FAM120B: variants seen among roughly 807,000 people sequenced by gnomAD.
FAM120B encodes constitutive coactivator of peroxisome proliferator-activated receptor gamma.
FAM120B carries 83 observed loss-of-function variants against 96.3 expected under a neutral mutation model. The ratio of observed to expected loss-of-function variants is 0.86; its 90% CI spans 0.72 to 1.03. The LOEUF (loss-of-function observed/expected upper bound fraction) is 1.03. Ranked by LOEUF, FAM120B falls within the 50% of genes least tolerant of loss-of-function variation. FAM120B has a pLI of 0.00. For synonymous variants in FAM120B, 407 were observed against 402.7 expected, an observed-to-expected ratio of 1.01 and a Z score of -0.13; for missense variants, 1,027 against 1,121.2, an observed-to-expected ratio of 0.92 and a Z score of 1.20.
chr6:170,316,965 T>C (rs1469609841), intron 1 of FAM120B, among the ~76,000 whole-genome samples: 3 of 152,246 alleles, frequency 2.0e-5, no homozygotes, highest in Admixed American at 1.3e-4. Context: ...AGAAAAATTA[T>C]ATTGAGAATC....
chr6:170,374,007 C>T (rs1789361313), intron 6 of FAM120B, among the ~76,000 whole-genome samples: 1 of 152,156 alleles, frequency 6.6e-6, no homozygotes, highest in South Asian at 2.1e-4. Flanking sequence ...GTGCTGCTGG[C>T]ATGCCAGATC....
intron 6 of FAM120B, among the ~76,000 whole-genome samples, chr6:170,376,824 C>T (rs946020922): frequency 6.6e-6 from 1 of 152,206 alleles, no homozygotes; most frequent in Non-Finnish European, 1.5e-5. Flanking sequence ...AGTCTGAGTG[C>T]TTGGCACAGG....
intron 7 of FAM120B, among the ~76,000 whole-genome samples, chr6:170,390,238 CA>C (rs998679701): frequency 4.3e-4 from 65 of 152,296 alleles, no homozygotes; most frequent in African/African-American, 1.6e-3. Flanking sequence ...ACACAGATTC[CA>C]GAGTGGCATA....
At chr6:170,293,782 G>A (rs946811406), upstream of FAM120B, among the ~76,000 whole-genome samples, 13 of 110,054 alleles carry the variant, frequency 1.2e-4, no homozygotes, top group African/African-American at 4.7e-4. Context: ...CCACCCCCAA[G>A]TTGGTTCCTC....
At chr6:170,315,784 T>TA (rs1162060652) in intron 1 of FAM120B, among the ~76,000 whole-genome samples, 4 of 152,100 alleles carry the variant, frequency 2.6e-5, no homozygotes, top group African/African-American at 9.7e-5. Context: ...TAGAGCCCAT[T>TA]AAAAATCAGT....
chr6:170,344,582 C>T (rs1787056377), intron 4 of FAM120B, among the ~76,000 whole-genome samples: 1 of 152,194 alleles, frequency 6.6e-6, no homozygotes, highest in Admixed American at 6.5e-5. Context: ...CTCTCTGGTT[C>T]CTGAGCAGCC....
At chr6:170,312,082 C>T (rs1050556920) in intron 1 of FAM120B, among the ~76,000 whole-genome samples, 5 of 152,134 alleles carry the variant, frequency 3.3e-5, no homozygotes, top group African/African-American at 1.2e-4. Context: ...AGAACAGTGA[C>T]ATCATGAGTT....
chr6:170,388,235 T>C lies in FAM120B; in HGVS notation c.2284-52T>C, dbSNP rs1790301278. ...CTTTGCAGAGCTGAGATCTGTTTCC[T>C]GCATGTGTGACTCCTGTCTTACATT... On this transcript the variant is annotated intron_variant, in intron 6 of 10. Coordinates refer to ENST00000476287, the MANE Select transcript of FAM120B (RefSeq NM_032448.3). 19 of 1,503,282 alleles carry C rather than the reference T, an allele frequency of 1.3e-5. No homozygotes were observed. The South Asian group carries it at 2.0e-4, about 16-fold the overall frequency. 93.1% of individuals were successfully genotyped at this position (1,503,282 alleles called of 1,614,324 possible). A position where few individuals can be genotyped will look rare whatever the true frequency, so the allele number is the denominator to read the frequency against.
At chr6:170,293,859 C>T (rs540285392), upstream of FAM120B, among the ~76,000 whole-genome samples, 9 of 150,868 alleles carry the variant, frequency 6.0e-5, no homozygotes, top group Admixed American at 2.0e-4. Context: ...TCTATAGGAG[C>T]CTGTTGTAGT....
rs2115353176 is a variant in FAM120B, at chr6:170,405,487, A to G, written c.*736A>G. ...AGCGGGAGGCACAAGGTTTCATCAC[A>G]CTATTCACAATGGCGAGCAAGTTAA... On this transcript the variant is annotated 3_prime_UTR_variant, in exon 11 of 11. Coordinates refer to ENST00000476287, the MANE Select transcript of FAM120B (RefSeq NM_032448.3). The G allele has an allele frequency of 6.6e-6, 1 of 152,350 alleles. No homozygotes were observed. The highest frequency in any genetic ancestry group is 2.1e-4 in the South Asian group (1 of 4,824). The allele number at this position is 152,350 out of a possible 1,614,324, so 9.4% of individuals were successfully genotyped here.
intron 6 of FAM120B, among the ~76,000 whole-genome samples, chr6:170,381,060 A>G (rs1789873281): frequency 6.6e-6 from 1 of 152,232 alleles, no homozygotes; most frequent in South Asian, 2.1e-4. Flanking sequence ...CAGTGAACTG[A>G]AAAGGTAATA....
chr6:170,339,309 A>G (rs1481424437), intron 4 of FAM120B, among the ~76,000 whole-genome samples: 1 of 151,976 alleles, frequency 6.6e-6, no homozygotes, highest in Non-Finnish European at 1.5e-5. Context: ...GTTGATTTGC[A>G]GAAGAATTTT....
At position 170,317,969 on chromosome 6, in the gene FAM120B, T is replaced by C. The variant is rs1189562423; in HGVS notation, c.579T>C (p.Ile193=). 6.2e-7 allele frequency: 1 copy of C among 1,613,900 alleles called. No homozygotes were observed. The highest frequency in any genetic ancestry group is 1.1e-5 in the South Asian group (1 of 91,068). The change falls in exon 2 of 11, where the codon ATT becomes ATC. Residue 193 remains isoleucine (I), a synonymous_variant. Transcript: ENST00000476287. ...ATGACACTTGTCCCTACTTTTCAAT[T>C]AGCGAGCTCTGCCTAGAGAGCCTGG... is the stretch of plus-strand genomic sequence containing the variant. ...LIYDTCPYFS[I]SELCLESLDT...
intron 9 of FAM120B, among the ~76,000 whole-genome samples, chr6:170,403,906 G>A (rs1239716961): frequency 6.6e-6 from 1 of 152,228 alleles, no homozygotes; most frequent in African/African-American, 2.4e-5. Context: ...ACTTTTGGGG[G>A]AGGGGAGAGA....
chr6:170,322,463 C>T (rs921195757), intron 2 of FAM120B, among the ~76,000 whole-genome samples: 1 of 152,038 alleles, frequency 6.6e-6, no homozygotes, highest in African/African-American at 2.4e-5. Context: ...GAGAAAGATT[C>T]TGGGTAGGGT....
chr6:170,384,650 C>T (rs1790091633), intron 6 of FAM120B, among the ~76,000 whole-genome samples: 2 of 152,168 alleles, frequency 1.3e-5, no homozygotes, highest in South Asian at 4.1e-4. Flanking sequence ...TGAAAACTGA[C>T]ACAACTGAAA....
intron 6 of FAM120B, among the ~76,000 whole-genome samples, chr6:170,359,207 C>G (rs1394210483): frequency 6.6e-6 from 1 of 152,138 alleles, no homozygotes; most frequent in Non-Finnish European, 1.5e-5. Flanking sequence ...TCCAGACCAG[C>G]CTGGCCAACA....
chr6:170,310,061 T>C (rs920252100), intron 1 of FAM120B, among the ~76,000 whole-genome samples: 2 of 152,264 alleles, frequency 1.3e-5, no homozygotes, highest in Admixed American at 1.3e-4. Flanking sequence ...TTAGCACTTC[T>C]AACTGCTGTC....
upstream of FAM120B, among the ~76,000 whole-genome samples, chr6:170,303,839 C>G (rs976017011): frequency 1.3e-5 from 2 of 152,228 alleles, no homozygotes; most frequent in African/African-American, 2.4e-5. Context: ...TCACTAGATT[C>G]AATAATGGCC....
Sources: gnomAD v4.1 joint callset for allele counts (sites outside exome capture counted in the v4.1 genomes callset) on GRCh38, gnomAD v4.1.1 for gene constraint, MANE v1.5 for transcripts, NCBI Gene and HGNC (gene_info 2026-07-23, HGNC 2026-07-21) for gene names.